The following ARFGEF1 variants were observed in gnomAD, a reference collection of about 807,000 sequenced individuals.
The protein encoded by ARFGEF1 is ARF guanine nucleotide exchange factor 1.
ARFGEF1 carries 42 observed loss-of-function variants against 231.0 expected under a neutral mutation model. The observed-to-expected ratio is 0.18, with a 90% CI of 0.14 to 0.24. The LOEUF is 0.24. ARFGEF1 is among the 10% of genes least tolerant of loss of function. The pLI is 1.00. For missense variants in ARFGEF1, 1,345 were observed against 2,192.0 expected, an observed-to-expected ratio of 0.61 and a Z score of 7.72; for synonymous variants, 710 against 732.3, an observed-to-expected ratio of 0.97 and a Z score of 0.49.
At chr8:67,296,102 A>T (rs1806220682) in intron 5 of ARFGEF1, among the ~76,000 whole-genome samples, 1 of 152,184 alleles carries the variant, frequency 6.6e-6, no homozygotes, top group South Asian at 2.1e-4. Context: ...TTCAGATTAG[A>T]TTAAGTATTT....
Position 67,240,308 on chromosome 8 carries a change from T to G in ARFGEF1, c.2851-18A>C, listed in dbSNP as rs769757582. ...CAAGCCAACTACAAAAATTAAAAAT[T>G]GTATTTTAATTAAAGATTATGATAA... On this transcript the variant is annotated intron_variant, in intron 19 of 38. Transcript: ENST00000262215. The G allele has an allele frequency of 6.3e-7, 1 of 1,579,152 alleles. No homozygotes were observed. Among genetic ancestry groups the G allele is most frequent in the East Asian group, 2.3e-5 (1 of 44,038 alleles).
intron 5 of ARFGEF1, among the ~76,000 whole-genome samples, chr8:67,293,661 T>C (rs540199581): frequency 2.0e-5 from 3 of 152,258 alleles, no homozygotes; most frequent in Admixed American, 1.3e-4. Context: ...CAAAAGAGAA[T>C]GTATAGCATA....
intron 5 of ARFGEF1, among the ~76,000 whole-genome samples, chr8:67,189,038 T>G (rs1020783651): frequency 6.6e-6 from 1 of 152,180 alleles, no homozygotes; most frequent in Non-Finnish European, 1.5e-5. Flanking sequence ...ACCCGCCTGG[T>G]AACACATTAA....
Position 67,203,103 on chromosome 8 carries a change from C to T in ARFGEF1, c.5108G>A (p.Arg1703Lys). The T allele has an allele frequency of 1.2e-6, 2 of 1,613,696 alleles. No homozygotes were observed. Among genetic ancestry groups the T allele is most frequent in the Non-Finnish European group, 1.7e-6 (2 of 1,179,800 alleles). ...CTTACCTGCTTTCCACAGGGCAGTCCTCTGTTCGTTGTTGGAATTAAACGC... is the reference window on the plus strand; with the variant it reads ...CTTACCTGCTTTCCACAGGGCAGTCTTCTGTTCGTTGTTGGAATTAAACGC... Reference protein sequence around the residue: ...AKAFNSNNEQRTALWKAGFKG... With the variant: ...AKAFNSNNEQKTALWKAGFKG... The change falls in exon 36 of 39, where the codon AGG (arginine) becomes AAG (lysine). Residue 1703 changes from arginine (R) to lysine (K), a missense_variant. By Grantham distance (26) the Arg-to-Lys change is conservative (BLOSUM62 2). Transcript: ENST00000262215.
chr8:67,276,396 T>C (rs1489513770), intron 8 of ARFGEF1, among the ~76,000 whole-genome samples: 2 of 152,148 alleles, frequency 1.3e-5, no homozygotes, highest in Non-Finnish European at 2.9e-5. Flanking sequence ...AAAACTGATA[T>C]ATCATGCCTG....
intron 17 of ARFGEF1, among the ~76,000 whole-genome samples, chr8:67,256,908 A>G (rs967943051): frequency 4.6e-5 from 7 of 152,216 alleles, no homozygotes; most frequent in Admixed American, 3.9e-4. Context: ...AGAGAAACAC[A>G]CTGAGATAAA....
At chr8:67,204,004 G>C (rs1403799447) in intron 35 of ARFGEF1, among the ~76,000 whole-genome samples, 1 of 152,122 alleles carries the variant, frequency 6.6e-6, no homozygotes, top group African/African-American at 2.4e-5. Context: ...CTTGCCTACA[G>C]TCAGTTTTTC....
chr8:67,302,479 A>G lies in ARFGEF1; in HGVS notation c.125-13T>C. The G allele has an allele frequency of 6.4e-7, 1 of 1,556,382 alleles. No individual in the cohort carries two copies. Among genetic ancestry groups the G allele is most frequent in the East Asian group, 2.3e-5 (1 of 43,054 alleles). ...GCTTTTATTTCCTCTGAGGGGAAAA[A>G]AAAAGAAGCATACATTAGAAAACTG... On this transcript the variant is annotated splice_polypyrimidine_tract_variant and intron_variant, in intron 1 of 38. Coordinates refer to ENST00000262215, the MANE Select transcript of ARFGEF1 (RefSeq NM_006421.5).
Position 67,251,387 on chromosome 8 carries a change from G to A in ARFGEF1, c.2762C>T (p.Thr921Ile), listed in dbSNP as rs988981305. The change falls in exon 19 of 39, where the codon ACA (threonine) becomes ATA (isoleucine). Residue 921 changes from threonine (T) to isoleucine (I), a missense_variant. Transcript: ENST00000262215. ...YNLEMEQMAKTAKALMEAVSH... is the reference protein window; with the variant it reads ...YNLEMEQMAKIAKALMEAVSH... The stretch of plus-strand genomic sequence containing the variant: ...CACGGCCTCCATGAGTGCTTTAGCT[G>A]TCTTGGCCATCTGCTCCATTTCTAA... The A allele has an allele frequency of 6.2e-7, 1 of 1,612,606 alleles. No individual in the cohort carries two copies. The highest frequency in any genetic ancestry group is 8.5e-7 in the Non-Finnish European group (1 of 1,179,084).
Position 67,291,908 on chromosome 8 carries a change from T to C in ARFGEF1, c.855A>G (p.Gly285=). 2 of 1,613,956 alleles carry C rather than the reference T, an allele frequency of 1.2e-6. No homozygotes were observed. The highest frequency in any genetic ancestry group is 1.6e-4 in the Middle Eastern group (1 of 6,062). Residue 285 remains glycine, a synonymous_variant, in exon 6 of 39, where the codon GGA becomes GGG. Transcript: ENST00000262215. ...SLQDDTEPEN[G]SDISSAENEQ... ...CATTTTCTGCACTGGAAATATCAGA[T>C]CCATTTTCAGGCTCTGTGTCATCCT...
intron 1 of ARFGEF1, among the ~76,000 whole-genome samples, chr8:67,342,657 C>G (rs2128941201): frequency 6.6e-6 from 1 of 152,212 alleles, no homozygotes; most frequent in Non-Finnish European, 1.5e-5. Context: ...TTGCAAACCC[C>G]TTCTCAAGAC....
At chr8:67,201,692 G>C in intron 36 of ARFGEF1, 87 bp from the exon 37 acceptor site, 1 of 1,554,574 alleles carries the variant, frequency 6.4e-7, no homozygotes, top group South Asian at 1.2e-5. Context: ...CATTTTGTTT[G>C]TGCTCAGCCA....
chr8:67,337,795 TCTTTC>T (rs970559152), intron 1 of ARFGEF1, among the ~76,000 whole-genome samples: 4 of 152,158 alleles, frequency 2.6e-5, no homozygotes, highest in Non-Finnish European at 5.9e-5. Flanking sequence ...CCTTCTGAAC[TCTTTC>T]TTCTGATGAT....
intron 10 of ARFGEF1, among the ~76,000 whole-genome samples, chr8:67,271,152 C>CCACATGAT (rs1322886979): frequency 1.3e-4 from 20 of 150,328 alleles, no homozygotes; most frequent in Admixed American, 4.6e-4. Context: ...TATTTTAGGA[C>CCACATGAT]CACATGATTG....
At position 67,198,544 on chromosome 8, in the gene ARFGEF1, AT is replaced by A; in HGVS notation, c.*389del. 3 of 994,760 alleles carry A rather than the reference AT, an allele frequency of 3.0e-6. No homozygotes were observed. Among genetic ancestry groups the A allele is most frequent in the Non-Finnish European group, 3.6e-6 (3 of 836,348 alleles). 61.6% of individuals were successfully genotyped at this position (994,760 alleles called of 1,614,324 possible). On this transcript the variant is annotated 3_prime_UTR_variant, in exon 39 of 39. Transcript: ENST00000262215. ...CTCTCCCCACTCCCCAATTATAAACATTTTATCCTTCAAAATACAGCTCTCC... is the reference window on the plus strand; with the variant it reads ...CTCTCCCCACTCCCCAATTATAAACATTTATCCTTCAAAATACAGCTCTCC...
chr8:67,259,821 T>C lies in ARFGEF1; in HGVS notation c.2229A>G (p.Leu743=). 1 of 1,594,106 alleles carries C rather than the reference T, an allele frequency of 6.3e-7. No individual in the cohort carries two copies. Among genetic ancestry groups the C allele is most frequent in the Non-Finnish European group, 8.6e-7 (1 of 1,168,618 alleles). Residue 743 remains leucine (L), a synonymous_variant, in exon 15 of 39, where the codon TTA becomes TTG. Transcript: ENST00000262215. ...ATGAAAATGGTATTCTTACAGAGTCTAATCTTTCCTCTTGATGTAAGAATT... is the reference window on the plus strand; with the variant it reads ...ATGAAAATGGTATTCTTACAGAGTCCAATCTTTCCTCTTGATGTAAGAATT... ...IAQFLHQEER[L]DSTQVGEFLG...
At position 67,301,411 on chromosome 8, in the gene ARFGEF1, G is replaced by A. The variant is rs114028163; in HGVS notation, c.156-31C>T. ...TGAGAAAGAAAAGTCTGATTATAGC[G>A]TATCACATTTATAATATTGATAATA... On this transcript the variant is annotated intron_variant, in intron 2 of 38. Transcript: ENST00000262215. The A allele has an allele frequency of 3.3e-4, 513 of 1,576,530 alleles. No individual in the cohort carries two copies. The African/African-American group carries it at 5.6e-3, about 17-fold the overall frequency.
chr8:67,248,756 C>T (rs900644307), intron 19 of ARFGEF1, among the ~76,000 whole-genome samples: 3 of 150,406 alleles, frequency 2.0e-5, no homozygotes, highest in African/African-American at 7.4e-5. Flanking sequence ...CTCTCCAGCT[C>T]CACCATTACC....
intron 5 of ARFGEF1, among the ~76,000 whole-genome samples, chr8:67,191,911 AGT>A (rs1836359788): frequency 1.3e-5 from 2 of 152,146 alleles, no homozygotes; most frequent in South Asian, 2.1e-4. Context: ...GCCATCACTT[AGT>A]GTCTTTTGAT....
Sources: allele counts gnomAD v4.1 joint callset (sites outside exome capture counted in the v4.1 genomes callset), GRCh38; gene constraint gnomAD v4.1.1; transcripts MANE v1.5; gene names NCBI Gene and HGNC (gene_info 2026-07-23, HGNC 2026-07-21).